The following NELL1 variants were observed in gnomAD, a reference collection of about 807,000 sequenced individuals.
NELL1 encodes the protein protein kinase C-binding protein NELL1.
A neutral mutation model predicts 107.4 loss-of-function variants in NELL1; 76 were observed. That is an observed-to-expected ratio of 0.71 (90% CI 0.59 to 0.86). The LOEUF is 0.86. Among genes scored for constraint, NELL1 ranks in the 40% least tolerant of loss-of-function variants. NELL1 has a pLI of 0.00. For synonymous variants in NELL1, 353 were observed against 341.2 expected (o/e 1.03, Z -0.38); for missense variants, 1,024 against 1,005.5 (o/e 1.02, Z -0.25).
At chr11:21,375,746 G>C (rs918618142) in intron 15 of NELL1, among the ~76,000 whole-genome samples, 1 of 151,992 alleles carries the variant, frequency 6.6e-6, no homozygotes, top group African/African-American at 2.4e-5. Flanking sequence ...TAGCCATTCT[G>C]ACTGGTGTGA....
chr11:21,317,271 G>A (rs897528345), intron 14 of NELL1, among the ~76,000 whole-genome samples: 3 of 151,698 alleles, frequency 2.0e-5, no homozygotes, highest in African/African-American at 7.3e-5. Flanking sequence ...TTCTCTTACT[G>A]AAGTAAAGGA....
At chr11:20,876,917 T>C (rs551036112) in intron 4 of NELL1, among the ~76,000 whole-genome samples, 4 of 152,178 alleles carry the variant, frequency 2.6e-5, no homozygotes, top group Non-Finnish European at 5.9e-5. Context: ...TTTGTTGGTG[T>C]CAGAAATAAT....
intron 13 of NELL1, among the ~76,000 whole-genome samples, chr11:21,174,869 A>C (rs1308556056): frequency 6.6e-6 from 1 of 151,742 alleles, no homozygotes; most frequent in Non-Finnish European, 1.5e-5. Context: ...AATATGAGCA[A>C]ATGAGAGGGA....
intron 14 of NELL1, among the ~76,000 whole-genome samples, chr11:21,350,984 T>C (rs1434516214): frequency 6.6e-6 from 1 of 152,104 alleles, no homozygotes; most frequent in Non-Finnish European, 1.5e-5. Context: ...GATGGTATCA[T>C]CTTGGATTTA....
At chr11:21,564,870 G>A (rs1175713943) in intron 17 of NELL1, among the ~76,000 whole-genome samples, 3 of 152,042 alleles carry the variant, frequency 2.0e-5, no homozygotes, top group East Asian at 2.0e-4. Context: ...TCTGGTTTAT[G>A]TAAACCTATT....
chr11:21,313,435 A>G (rs546677474), intron 14 of NELL1, among the ~76,000 whole-genome samples: 7 of 152,310 alleles, frequency 4.6e-5, no homozygotes, highest in African/African-American at 7.2e-5. Flanking sequence ...CCAATTAGGC[A>G]TTCAACAAAC....
chr11:21,518,393 TG>T (rs2133952615), intron 15 of NELL1, among the ~76,000 whole-genome samples: 2 of 152,314 alleles, frequency 1.3e-5, no homozygotes, highest in African/African-American at 4.8e-5. Context: ...TTGTTTCATT[TG>T]GAGGTGAATT....
intron 17 of NELL1, among the ~76,000 whole-genome samples, chr11:21,563,484 C>T (rs909433823): frequency 2.6e-5 from 4 of 151,872 alleles, no homozygotes; most frequent in African/African-American, 9.7e-5. Flanking sequence ...TTTGTTGGTT[C>T]CACATTCTTG....
chr11:21,041,246 A>T (rs1264619589), intron 12 of NELL1, among the ~76,000 whole-genome samples: 1 of 152,132 alleles, frequency 6.6e-6, no homozygotes, highest in Admixed American at 6.6e-5. Context: ...CTTTAAAACT[A>T]ATCTTCCACG....
intron 16 of NELL1, among the ~76,000 whole-genome samples, chr11:21,536,581 C>T (rs1019620031): frequency 2.0e-5 from 3 of 152,134 alleles, no homozygotes; most frequent in Non-Finnish European, 4.4e-5. Flanking sequence ...TTCACTTGTA[C>T]AATATATTTG....
At chr11:21,279,599 C>A (rs1848945876) in intron 14 of NELL1, among the ~76,000 whole-genome samples, 1 of 152,186 alleles carries the variant, frequency 6.6e-6, no homozygotes, top group Non-Finnish European at 1.5e-5. Flanking sequence ...ACACTAACAG[C>A]ACCAAATCCT....
At chr11:20,992,863 C>T (rs369520986) in intron 12 of NELL1, among the ~76,000 whole-genome samples, 6 of 151,860 alleles carry the variant, frequency 4.0e-5, no homozygotes, top group South Asian at 2.1e-4. Context: ...TACAGGCATG[C>T]GCCACCACAC....
intron 2 of NELL1, 41 bp downstream of exon 2, chr11:20,678,101 G>A (rs1854106536): frequency 1.2e-6 from 2 of 1,611,998 alleles, no homozygotes; most frequent in East Asian, 2.2e-5. Context: ...AGAGGTTGGG[G>A]AGGAGGGTCT....
intron 15 of NELL1, among the ~76,000 whole-genome samples, chr11:21,384,656 T>C (rs1054734340): frequency 9.9e-5 from 15 of 151,916 alleles, no homozygotes; most frequent in Admixed American, 9.8e-4. Flanking sequence ...TCCTTGTGTT[T>C]TCATTGTTCA....
Position 20,756,506 on chromosome 11 carries a change from A to AT in NELL1, c.185-27168dup, listed in dbSNP as rs755344798. Among the ~76,000 whole-genome samples the AT allele has an allele frequency of 3.7e-3, 516 of 140,072 alleles. 3 individuals are homozygous for AT. Among genetic ancestry groups the AT allele is most frequent in the Middle Eastern group, 7.8e-3 (2 of 256 alleles). 91.9% of individuals were successfully genotyped at this position (140,072 alleles called of 152,430 possible). A position where few individuals can be genotyped will look rare whatever the true frequency, so the allele number is the denominator to read the frequency against. On this transcript the variant is annotated intron_variant, in intron 2 of 19. Transcript: ENST00000357134. ...AGGCACCTGAGATGGCGCCGGGCTA[A>AT]TTTTTTGTAATTTTTTTTTTTTTTT...
intron 15 of NELL1, among the ~76,000 whole-genome samples, chr11:21,407,372 C>T (rs1262522562): frequency 6.6e-6 from 1 of 151,964 alleles, no homozygotes; most frequent in Non-Finnish European, 1.5e-5. Flanking sequence ...GCCTTGATTG[C>T]ACAACTGCAC....
chr11:20,720,700 G>A (rs562702742), intron 2 of NELL1, among the ~76,000 whole-genome samples: 4 of 152,214 alleles, frequency 2.6e-5, no homozygotes, highest in East Asian at 3.9e-4. Context: ...TCCCTGGCTT[G>A]TAGATGGCTG....
intron 4 of NELL1, among the ~76,000 whole-genome samples, chr11:20,878,080 G>T (rs1849338201): frequency 6.6e-6 from 1 of 152,102 alleles, no homozygotes; most frequent in South Asian, 2.1e-4. Flanking sequence ...TGCCATTTGG[G>T]CCGGGCGCGG....
intron 2 of NELL1, among the ~76,000 whole-genome samples, chr11:20,735,180 G>T (rs1487294292): frequency 6.6e-6 from 1 of 152,118 alleles, no homozygotes; most frequent in African/African-American, 2.4e-5. Flanking sequence ...TGAGCAGTCG[G>T]GTCAAATGCT....
Sources: allele counts gnomAD v4.1 joint callset (sites outside exome capture counted in the v4.1 genomes callset), GRCh38; gene constraint gnomAD v4.1.1; transcripts MANE v1.5; gene names NCBI Gene and HGNC (gene_info 2026-07-23, HGNC 2026-07-21).